The following AGBL1 variants were observed in gnomAD, a reference collection of about 807,000 sequenced individuals.
AGBL1 encodes cytosolic carboxypeptidase 4.
A neutral mutation model predicts 118.9 loss-of-function variants in AGBL1; 130 were observed. That is an observed-to-expected ratio of 1.09 (90% CI 0.95 to 1.26). The LOEUF is 1.26. Ranked by LOEUF, AGBL1 falls within the 50% of genes most tolerant of loss-of-function variation. The probability of loss-of-function intolerance (pLI) is 0.00; values close to 1 mark genes in which losing one functional copy is unlikely to be tolerated. For missense variants in AGBL1, 1,584 were observed against 1,298.1 expected (o/e 1.22, Z -3.38); for synonymous variants, 555 against 478.9 (o/e 1.16, Z -2.08).
rs779549295 is a variant in AGBL1, at chr15:86,267,002, C to T, written c.1764C>T (p.Asp588=). The T allele has an allele frequency of 6.4e-7, 1 of 1,569,238 alleles. No individual in the cohort carries two copies. The highest frequency in any genetic ancestry group is 1.2e-5 in the South Asian group (1 of 85,156). ...TATTTCATTGTAGGCCTTTGCAAGACAATGCTTCCAATTGTTTACGGTTCT... is the reference window on the plus strand; with the variant it reads ...TATTTCATTGTAGGCCTTTGCAAGATAATGCTTCCAATTGTTTACGGTTCT... The part of the protein sequence containing the change: ...FSLDEPWPLQ[D]NASNCLRFFS... Residue 588 remains aspartate, a synonymous_variant, in exon 13 of 23, where the codon GAC becomes GAT. Coordinates refer to ENST00000614907, the MANE Select transcript of AGBL1 (RefSeq NM_001386094.1).
At chr15:86,918,514 G>A (rs2080451898), downstream of AGBL1, among the ~76,000 whole-genome samples, 1 of 150,690 alleles carries the variant, frequency 6.6e-6, no homozygotes, top group Non-Finnish European at 1.5e-5. Flanking sequence ...CTCCAGCCTG[G>A]GCCACAAAGG....
intron 18 of AGBL1, among the ~76,000 whole-genome samples, chr15:86,420,709 A>C (rs1049578882): frequency 6.6e-6 from 1 of 152,332 alleles, no homozygotes; most frequent in Non-Finnish European, 1.5e-5. Context: ...GAAGCTAAGA[A>C]CCTTGAAAAA....
At chr15:86,667,363 T>G (rs7183356) in intron 21 of AGBL1, among the ~76,000 whole-genome samples, 128,248 of 151,840 alleles carry the variant, frequency 0.84, 54,745 homozygotes, top group East Asian at 0.92. Flanking sequence ...TATTATAAAA[T>G]AAATTATGAA....
At chr15:86,359,563 T>G (rs2080773730) in intron 17 of AGBL1, among the ~76,000 whole-genome samples, 1 of 151,738 alleles carries the variant, frequency 6.6e-6, no homozygotes, top group African/African-American at 2.4e-5. Context: ...GACAATTTTT[T>G]TTTTCTATTT....
At chr15:86,985,981 T>A (rs941309566) in intron 23 of AGBL1, among the ~76,000 whole-genome samples, 1 of 151,896 alleles carries the variant, frequency 6.6e-6, no homozygotes, top group Non-Finnish European at 1.5e-5. Flanking sequence ...TGGAGTGAAG[T>A]GGCAGGATCC....
At chr15:86,682,142 T>G (rs941919746) in intron 22 of AGBL1, among the ~76,000 whole-genome samples, 1 of 152,206 alleles carries the variant, frequency 6.6e-6, no homozygotes, top group African/African-American at 2.4e-5. Flanking sequence ...TTAGCTTCTT[T>G]CTATAGTTGC....
At chr15:86,657,061 T>C (rs1414010343) in intron 21 of AGBL1, among the ~76,000 whole-genome samples, 1 of 152,216 alleles carries the variant, frequency 6.6e-6, no homozygotes, top group African/African-American at 2.4e-5. Flanking sequence ...TAGGTTTCTC[T>C]CATGTTAACT....
chr15:86,428,438 G>A (rs7181349), intron 18 of AGBL1, among the ~76,000 whole-genome samples: 5,979 of 152,248 alleles, frequency 0.039, 410 homozygotes, highest in African/African-American at 0.14. Flanking sequence ...ATTTTCCCCC[G>A]TCTTTTTTTC....
At chr15:86,600,330 C>T (rs2084473780) in intron 21 of AGBL1, among the ~76,000 whole-genome samples, 1 of 152,146 alleles carries the variant, frequency 6.6e-6, no homozygotes, top group Non-Finnish European at 1.5e-5. Context: ...TGCACTAAAC[C>T]TTGTGCACAC....
chr15:86,646,988 A>G (rs1567101422), intron 21 of AGBL1, among the ~76,000 whole-genome samples: 1 of 152,128 alleles, frequency 6.6e-6, no homozygotes, highest in Non-Finnish European at 1.5e-5. Flanking sequence ...GACTTAATGT[A>G]TTTGAACACA....
intron 21 of AGBL1, among the ~76,000 whole-genome samples, chr15:86,583,887 C>T (rs1055611252): frequency 2.0e-5 from 3 of 152,106 alleles, no homozygotes; most frequent in African/African-American, 7.2e-5. Context: ...GTTATTCTGA[C>T]TGGTGTGAGA....
chr15:86,518,461 A>C (rs1304794993), intron 18 of AGBL1, among the ~76,000 whole-genome samples: 1 of 152,080 alleles, frequency 6.6e-6, no homozygotes, highest in Non-Finnish European at 1.5e-5. Flanking sequence ...AGTTAGGACT[A>C]GTGCTGCTGA....
Position 86,522,764 on chromosome 15 carries a change from T to C in AGBL1, c.2556-46T>C, listed in dbSNP as rs761376755. On this transcript the variant is annotated intron_variant, in intron 18 of 22. Transcript: ENST00000614907. ...TGTGGAGCTTTATTTTCTCAAGTTA[T>C]TTTCTTCTGAATGTGTATTTATTTG... The C allele has an allele frequency of 7.5e-6, 12 of 1,593,022 alleles. 1 individual carries two copies. The highest frequency in any genetic ancestry group is 1.1e-5 in the South Asian group (1 of 89,790).
At chr15:86,148,414 G>A (rs571581463) in intron 3 of AGBL1, among the ~76,000 whole-genome samples, 1 of 152,264 alleles carries the variant, frequency 6.6e-6, no homozygotes, top group Admixed American at 6.5e-5. Flanking sequence ...AGAATAAACA[G>A]TGTGGAGGAG....
At chr15:86,747,322 T>C (rs2077772183) in intron 22 of AGBL1, among the ~76,000 whole-genome samples, 1 of 152,080 alleles carries the variant, frequency 6.6e-6, no homozygotes, top group Non-Finnish European at 1.5e-5. Flanking sequence ...CTGATGACAT[T>C]TTGTAGATTA....
At chr15:86,419,325 G>A (rs190355584) in intron 18 of AGBL1, among the ~76,000 whole-genome samples, 1 of 152,292 alleles carries the variant, frequency 6.6e-6, no homozygotes, top group East Asian at 1.9e-4. Flanking sequence ...GTGAGCAGAA[G>A]CAGGGTGTTG....
chr15:86,211,416 T>C (rs889746980), intron 5 of AGBL1, among the ~76,000 whole-genome samples: 1 of 152,226 alleles, frequency 6.6e-6, no homozygotes, highest in Non-Finnish European at 1.5e-5. Flanking sequence ...TTTTGCTGCC[T>C]TTTGTTCAGC....
At chr15:86,177,908 G>T (rs1459006246) in intron 5 of AGBL1, among the ~76,000 whole-genome samples, 1 of 151,856 alleles carries the variant, frequency 6.6e-6, no homozygotes, top group East Asian at 1.9e-4. Flanking sequence ...TATAAAGTAA[G>T]TAAAATGAAG....
At chr15:86,136,032 C>T (rs1263826352) in intron 1 of AGBL1, among the ~76,000 whole-genome samples, 1 of 152,186 alleles carries the variant, frequency 6.6e-6, no homozygotes, top group African/African-American at 2.4e-5. Context: ...GCCCAGTCTT[C>T]TAGCTATACC....
Sources: gnomAD v4.1 joint callset for allele counts (sites outside exome capture counted in the v4.1 genomes callset) on GRCh38, gnomAD v4.1.1 for gene constraint, MANE v1.5 for transcripts, NCBI Gene and HGNC (gene_info 2026-07-23, HGNC 2026-07-21) for gene names.